The following SIPA1L1 variants were observed in gnomAD, a reference collection of about 807,000 sequenced individuals.
SIPA1L1 encodes the protein signal induced proliferation associated 1 like 1.
SIPA1L1 carries 26 observed loss-of-function variants against 162.7 expected under a neutral mutation model. The ratio of observed to expected loss-of-function variants is 0.16; its 90% CI spans 0.12 to 0.22. The LOEUF (loss-of-function observed/expected upper bound fraction) is 0.22. Among genes scored for constraint, SIPA1L1 ranks in the 10% least tolerant of loss-of-function variants. The pLI, the probability that SIPA1L1 is intolerant of heterozygous loss-of-function variation, is 1.00. For missense variants in SIPA1L1, 1,874 were observed against 2,241.0 expected (o/e 0.84, Z 3.31); for synonymous variants, 829 against 837.4 (o/e 0.99, Z 0.17).
intron 2 of SIPA1L1, among the ~76,000 whole-genome samples, chr14:71,343,594 A>G (rs1395873883): frequency 6.6e-6 from 1 of 152,206 alleles, no homozygotes; most frequent in East Asian, 1.9e-4. Flanking sequence ...CCACCCAAGA[A>G]TAACCACTGT....
intron 2 of SIPA1L1, among the ~76,000 whole-genome samples, chr14:71,407,225 C>T (rs532138732): frequency 7.2e-5 from 11 of 152,162 alleles, no homozygotes; most frequent in African/African-American, 1.4e-4. Context: ...TCACCTTGTA[C>T]GATTGTGTGT....
intron 8 of SIPA1L1, among the ~76,000 whole-genome samples, chr14:71,652,884 A>G (rs758024336): frequency 1.4e-4 from 22 of 152,062 alleles, no homozygotes; most frequent in Admixed American, 1.4e-3. Context: ...CACATTTATA[A>G]TAGTTGTTTC....
intron 7 of SIPA1L1, among the ~76,000 whole-genome samples, chr14:71,633,451 C>T (rs1016291781): frequency 1.3e-5 from 2 of 152,008 alleles, no homozygotes; most frequent in South Asian, 4.1e-4. Context: ...GGATTACAGG[C>T]GTGAGCCACA....
intron 15 of SIPA1L1, among the ~76,000 whole-genome samples, chr14:71,703,082 T>C (rs1165038923): frequency 6.6e-6 from 1 of 152,184 alleles, no homozygotes; most frequent in East Asian, 1.9e-4. Context: ...GCCCTTTCTT[T>C]CTATATATAT....
At chr14:71,536,801 C>T (rs1432675237) in intron 4 of SIPA1L1, among the ~76,000 whole-genome samples, 1 of 152,160 alleles carries the variant, frequency 6.6e-6, no homozygotes, top group East Asian at 1.9e-4. Context: ...GGAAAATGCT[C>T]AAATGTTGAT....
chr14:71,472,916 GC>G (rs1255941131), intron 2 of SIPA1L1, among the ~76,000 whole-genome samples: 1 of 149,882 alleles, frequency 6.7e-6, no homozygotes, highest in Non-Finnish European at 1.5e-5. Context: ...TGTGATCATA[GC>G]TCACGGAAGC....
intron 22 of SIPA1L1, among the ~76,000 whole-genome samples, chr14:71,737,752 G>C (rs2085429577): frequency 6.6e-6 from 1 of 152,214 alleles, no homozygotes; most frequent in Admixed American, 6.5e-5. Context: ...TGATACCTTA[G>C]CTGCAATTGC....
At chr14:71,483,824 C>A (rs968836388) in intron 2 of SIPA1L1, among the ~76,000 whole-genome samples, 11 of 152,152 alleles carry the variant, frequency 7.2e-5, no homozygotes, top group African/African-American at 2.4e-4. Context: ...TCAACCATAT[C>A]ATCTATCACT....
intron 2 of SIPA1L1, among the ~76,000 whole-genome samples, chr14:71,358,568 C>T (rs1300408921): frequency 6.6e-6 from 1 of 152,216 alleles, no homozygotes; most frequent in Non-Finnish European, 1.5e-5. Context: ...AGACTGAGCC[C>T]ACCTGCCCTC....
intron 2 of SIPA1L1, among the ~76,000 whole-genome samples, chr14:71,460,274 G>A (rs532433834): frequency 2.0e-5 from 3 of 152,192 alleles, no homozygotes; most frequent in Admixed American, 1.3e-4. Context: ...GCATGTCAGC[G>A]GGTCGTGGTT....
intron 2 of SIPA1L1, among the ~76,000 whole-genome samples, chr14:71,407,508 T>TCCCG (rs1566982971): frequency 8.9e-6 from 1 of 112,490 alleles, no homozygotes; most frequent in Non-Finnish European, 1.8e-5. Context: ...CTTCCCTCCC[T>TCCCG]TCCCTCCTTT....
At chr14:71,678,953 C>T (rs1308493271) in intron 12 of SIPA1L1, among the ~76,000 whole-genome samples, 2 of 151,984 alleles carry the variant, frequency 1.3e-5, no homozygotes, top group African/African-American at 4.8e-5. Context: ...ACCAAATCTA[C>T]GTCTGATTGG....
At position 71,544,078 on chromosome 14, in the gene SIPA1L1, CAT is replaced by C. The variant is rs1567180223; in HGVS notation, c.-303+14709_-303+14710del. Among the ~76,000 whole-genome samples the C allele has an allele frequency of 1.8e-3, 270 of 149,458 alleles. 1 individual carries two copies. The highest frequency in any genetic ancestry group is 6.4e-3 in the African/African-American group (260 of 40,582). ...ATGTATGTATATACACACGCACGCA[CAT>C]GTATGTATATACACACGCACATGTA... On this transcript the variant is annotated intron_variant, in intron 4 of 23. Transcript: ENST00000381232.
At chr14:71,454,689 T>G (rs928161099) in intron 2 of SIPA1L1, among the ~76,000 whole-genome samples, 3 of 152,150 alleles carry the variant, frequency 2.0e-5, no homozygotes, top group African/African-American at 7.2e-5. Flanking sequence ...TAGAGTTTAT[T>G]TTCTTACAAC....
chr14:71,457,642 T>C (rs1038818771), intron 2 of SIPA1L1, among the ~76,000 whole-genome samples: 2 of 151,298 alleles, frequency 1.3e-5, no homozygotes, highest in Non-Finnish European at 2.9e-5. Flanking sequence ...CATGCACAGC[T>C]AGAGTGCAGT....
chr14:71,385,311 T>G (rs1157845329), intron 2 of SIPA1L1, among the ~76,000 whole-genome samples: 1 of 152,126 alleles, frequency 6.6e-6, no homozygotes, highest in African/African-American at 2.4e-5. Context: ...TTTGGTGGAG[T>G]GAGGACTAAA....
At chr14:71,596,678 T>G (rs922105799) in intron 5 of SIPA1L1, among the ~76,000 whole-genome samples, 7 of 152,216 alleles carry the variant, frequency 4.6e-5, no homozygotes, top group Non-Finnish European at 1.0e-4. Context: ...TCATGGTATT[T>G]ATAGCCTCCA....
chr14:71,436,321 G>A (rs1228467955), intron 2 of SIPA1L1, among the ~76,000 whole-genome samples: 1 of 152,064 alleles, frequency 6.6e-6, no homozygotes, highest in Non-Finnish European at 1.5e-5. Flanking sequence ...CATGGTTTTG[G>A]AATTTTATGT....
intron 6 of SIPA1L1, among the ~76,000 whole-genome samples, chr14:71,622,083 TG>T (rs2039506689): frequency 6.6e-6 from 1 of 152,200 alleles, no homozygotes; most frequent in Non-Finnish European, 1.5e-5. Flanking sequence ...AGACTTAATT[TG>T]TATCAGGGAC....
Sources: gnomAD v4.1 joint callset for allele counts (sites outside exome capture counted in the v4.1 genomes callset) on GRCh38, gnomAD v4.1.1 for gene constraint, MANE v1.5 for transcripts, NCBI Gene and HGNC (gene_info 2026-07-23, HGNC 2026-07-21) for gene names.